PYCR1: variants seen among roughly 807,000 people sequenced by gnomAD.
PYCR1 encodes the protein pyrroline-5-carboxylate reductase 1.
In PYCR1, 19 loss-of-function variants were observed where a neutral mutation model predicts 22.9. That is an observed-to-expected ratio of 0.83 (90% CI 0.58 to 1.22). PYCR1 has a LOEUF of 1.22. Among genes scored for constraint, PYCR1 ranks in the 50% most tolerant of loss-of-function variants. The pLI is 0.00. For synonymous variants in PYCR1, 175 were observed against 180.5 expected (o/e 0.97, Z 0.24); for missense variants, 429 against 431.3 (o/e 0.99, Z 0.05).
intron 1 of PYCR1, 94 bp downstream of exon 1, chr17:81,936,654 G>T: frequency 1.4e-6 from 2 of 1,398,174 alleles, no homozygotes; most frequent in South Asian, 1.2e-5. Context: ...CAGGCCTTGT[G>T]ACCCAGCACC....
Position 81,937,104 on chromosome 17 carries a change from A to G in PYCR1, c.-290T>C. 7.0e-7 allele frequency: 1 copy of G among 1,431,142 alleles called. No individual in the cohort carries two copies. The highest frequency in any genetic ancestry group is 9.1e-7 in the Non-Finnish European group (1 of 1,095,862). The allele number at this position is 1,431,142 out of a possible 1,614,324, so 88.7% of individuals were successfully genotyped here. A position where few individuals can be genotyped will look rare whatever the true frequency, so the allele number is the denominator to read the frequency against. ...CAGAAGAAATGACTGGGAAGGGGGA[A>G]AAGTACGGGGAGAGGGAGGGCCCGG... On this transcript the variant is annotated 5_prime_UTR_variant, in exon 1 of 7. Coordinates refer to ENST00000329875, the MANE Select transcript of PYCR1 (RefSeq NM_006907.4).
chr17:81,932,878 T>C lies in PYCR1; in HGVS notation c.*336A>G. ...CACAGAGGGGGTCCTTGACCTTTGCTCTCAGGAAGGAGCCCGTGCCAGCTG... is the reference window on the plus strand; with the variant it reads ...CACAGAGGGGGTCCTTGACCTTTGCCCTCAGGAAGGAGCCCGTGCCAGCTG... On this transcript the variant is annotated 3_prime_UTR_variant, in exon 7 of 7. Transcript: ENST00000329875. The C allele has an allele frequency of 6.2e-7, 1 of 1,608,054 alleles. No homozygotes were observed. The highest frequency in any genetic ancestry group is 1.1e-5 in the South Asian group (1 of 90,024).
rs1489421361 is a variant in PYCR1 at position 81,935,293 on chromosome 17, T to A, written c.318+44A>T. On this transcript the variant is annotated intron_variant, in intron 3 of 6. Coordinates refer to ENST00000329875, the MANE Select transcript of PYCR1 (RefSeq NM_006907.4). ...AAACTGAAGTACTGAGGGCCCGGGC[T>A]CTAGACAGCCCCTCTCCACACCCCA... The A allele has an allele frequency of 3.7e-6, 6 of 1,608,256 alleles. No individual in the cohort carries two copies. In the Admixed American group the frequency reaches 5.0e-5, roughly 13 times the overall value.
In PYCR1 at chr17:81,935,140, G is replaced by C; in HGVS notation, c.326C>G (p.Ser109Ter). 1.2e-6 allele frequency: 2 copies of C among 1,606,898 alleles called. No individual in the cohort carries two copies. Among genetic ancestry groups the C allele is most frequent in the Non-Finnish European group, 1.7e-6 (2 of 1,179,534 alleles). Residue 109 changes from serine (S) to a stop codon, truncating the protein, a stop_gained, in exon 4 of 7, where the codon TCA (serine) becomes TGA (stop). Transcript: ENST00000329875. LOFTEE classifies it high-confidence loss of function. ...GACCCTGGGGGCTGGCCGAAACGCT[G>C]ACAGCTTCTGGAAGAGAAACCAGCG... ...VTISSIEKKL[S>*]AFRPAPRVIR...
rs773780326 is a variant in PYCR1 at position 81,933,349 on chromosome 17, C to T, written c.825G>A (p.Glu275=). Residue 275 remains glutamate, a synonymous_variant, in exon 7 of 7, where the codon GAG becomes GAA. Coordinates refer to ENST00000329875, the MANE Select transcript of PYCR1 (RefSeq NM_006907.4). ...TRELQSMADQ[E]QVSPAAIKKT... is the part of the protein sequence containing the mutation. Reference sequence around the variant, plus strand: ...TCTTGATGGCGGCTGGTGACACCTGCTCCTGGTCAGCCATGGACTGCAGCT... The same window carrying T: ...TCTTGATGGCGGCTGGTGACACCTGTTCCTGGTCAGCCATGGACTGCAGCT... 12 of 1,613,716 alleles carry T rather than the reference C, an allele frequency of 7.4e-6. No individual in the cohort carries two copies. Among genetic ancestry groups the T allele is most frequent in the African/African-American group, 1.3e-5 (1 of 74,896 alleles).
At chr17:81,933,804 G>A (rs1490880231) in intron 6 of PYCR1, among the ~76,000 whole-genome samples, 3 of 152,224 alleles carry the variant, frequency 2.0e-5, no homozygotes, top group Admixed American at 6.5e-5. Flanking sequence ...TGGGGACAGC[G>A]GCTCCCAGCC....
rs1397825591 is a variant in PYCR1 at position 81,937,089 on chromosome 17, G to GT, written c.-276_-275insA. 2 of 1,429,580 alleles carry GT rather than the reference G, an allele frequency of 1.4e-6. No individual in the cohort carries two copies. Among genetic ancestry groups the GT allele is most frequent in the Admixed American group, 2.9e-5 (1 of 35,056 alleles). 88.6% of individuals were successfully genotyped at this position (1,429,580 alleles called of 1,614,324 possible). On this transcript the variant is annotated 5_prime_UTR_variant, in exon 1 of 7. Transcript: ENST00000329875. The stretch of plus-strand genomic sequence containing the variant: ...GGGGTGGAGGTTCCGCAGAAGAAAT[G>GT]ACTGGGAAGGGGGAAAAGTACGGGG...
In PYCR1 at chr17:81,936,155, C is replaced by T. The variant is rs1307738048; in HGVS notation, c.106G>A (p.Asp36Asn). Residue 36 changes from aspartate to asparagine, a missense_variant, in exon 2 of 7, where the codon GAC (aspartate) becomes AAC (asparagine). Coordinates refer to ENST00000329875, the MANE Select transcript of PYCR1 (RefSeq NM_006907.4). ...GCAGAAACTGTGGCCAGGTCCATGT[C>T]TGGGGAGCTAGCCATTATCTTGTGG... ...AAHKIMASSP[D>N]MDLATVSALR... 7 of 1,613,840 alleles carry T rather than the reference C, an allele frequency of 4.3e-6. No homozygotes were observed. The highest frequency in any genetic ancestry group is 2.2e-5 in the East Asian group (1 of 44,896).
chr17:81,936,124 C>T lies in PYCR1; in HGVS notation c.137G>A (p.Arg46Lys). Residue 46 changes from arginine to lysine, a missense_variant and splice_region_variant, in exon 2 of 7, where the codon AGG becomes AAG. Transcript: ENST00000329875. Reference protein sequence around the residue: ...DMDLATVSALRKMGVKLTPHN... With the variant: ...DMDLATVSALKKMGVKLTPHN... The stretch of plus-strand genomic sequence containing the variant: ...TTTCTCCCTTTCATCTGCACCTACC[C>T]TGAGAGCAGAAACTGTGGCCAGGTC... 6.2e-7 allele frequency: 1 copy of T among 1,613,852 alleles called. No individual in the cohort carries two copies. The highest frequency in any genetic ancestry group is 8.5e-7 in the Non-Finnish European group (1 of 1,179,848).
Position 81,935,366 on chromosome 17 carries a change from C to T in PYCR1, c.289G>A (p.Ala97Thr). Reference sequence around the variant, plus strand: ...TCAATGGAGCTGATGGTGACGCCGGCCGCGCAGGACACCACAATGTGTCTG... The same window carrying T: ...TCAATGGAGCTGATGGTGACGCCGGTCGCGCAGGACACCACAATGTGTCTG... ...EDRHIVVSCA[A>T]GVTISSIEKK... Residue 97 changes from alanine (A) to threonine (T), a missense_variant, in exon 3 of 7, where the codon GCC (alanine) becomes ACC (threonine). Coordinates refer to ENST00000329875, the MANE Select transcript of PYCR1 (RefSeq NM_006907.4). The T allele has an allele frequency of 6.2e-7, 1 of 1,612,720 alleles. No individual in the cohort carries two copies. Among genetic ancestry groups the T allele is most frequent in the Middle Eastern group, 1.8e-4 (1 of 5,500 alleles).
chr17:81,936,707 CT>C, intron 1 of PYCR1, 40 bp downstream of exon 1: 2 of 1,565,624 alleles, frequency 1.3e-6, no homozygotes, highest in South Asian at 2.3e-5. Context: ...AGAGGCCAGT[CT>C]CTCCCACTGG....
chr17:81,932,877 C>A lies in PYCR1; in HGVS notation c.*337G>T, dbSNP rs1263364027. The A allele has an allele frequency of 6.2e-7, 1 of 1,607,576 alleles. No homozygotes were observed. The highest frequency in any genetic ancestry group is 8.5e-7 in the Non-Finnish European group (1 of 1,177,624). On this transcript the variant is annotated 3_prime_UTR_variant, in exon 7 of 7. Transcript: ENST00000329875. ...TCACAGAGGGGGTCCTTGACCTTTG[C>A]TCTCAGGAAGGAGCCCGTGCCAGCT...
At chr17:81,936,028 C>A in intron 2 of PYCR1, 95 bp downstream of exon 2, 1 of 1,413,630 alleles carries the variant, frequency 7.1e-7, no homozygotes, top group Non-Finnish European at 1.0e-6. Context: ...AGGGCCCCTG[C>A]CCTCACTGGG....
rs1457711521 is a variant in PYCR1, at chr17:81,936,903, G to A, written c.-89C>T. On this transcript the variant is annotated 5_prime_UTR_variant, in exon 1 of 7. Coordinates refer to ENST00000329875, the MANE Select transcript of PYCR1 (RefSeq NM_006907.4). ...GCAGGATCGAGAGCAAGTTAGGGGG[G>A]CAGTGCCAGCCTGGCCGCTCCTCCC... is the stretch of plus-strand genomic sequence containing the variant. 4.5e-6 allele frequency: 7 copies of A among 1,550,294 alleles called. No homozygotes were observed. Among genetic ancestry groups the A allele is most frequent in the East Asian group, 2.4e-5 (1 of 41,462 alleles).
intron 6 of PYCR1, 88 bp from the exon 7 acceptor site, chr17:81,933,464 C>A (rs1225268979): frequency 2.6e-6 from 4 of 1,510,504 alleles, no homozygotes; most frequent in Non-Finnish European, 2.7e-6. Flanking sequence ...TGCCAGTCAG[C>A]CCTGGGCGAT....
Position 81,932,579 on chromosome 17 carries a change from G to A in PYCR1, c.*635C>T. Reference sequence around the variant, plus strand: ...GGGCTGGAAACCAACTTATAAAACTGAAAGGGCCAGGACAGAACTGATAGC... The same window carrying A: ...GGGCTGGAAACCAACTTATAAAACTAAAAGGGCCAGGACAGAACTGATAGC... On this transcript the variant is annotated 3_prime_UTR_variant, in exon 7 of 7. Transcript: ENST00000329875. The A allele has an allele frequency of 4.6e-6, 2 of 436,670 alleles. No individual in the cohort carries two copies. Among genetic ancestry groups the A allele is most frequent in the South Asian group, 4.3e-5 (2 of 45,982 alleles). 27.0% of individuals were successfully genotyped at this position (436,670 alleles called of 1,614,324 possible).
Position 81,933,309 on chromosome 17 carries a change from T to C in PYCR1, c.865A>G (p.Lys289Glu). The C allele has an allele frequency of 6.2e-7, 1 of 1,614,024 alleles. No homozygotes were observed. The highest frequency in any genetic ancestry group is 8.5e-7 in the Non-Finnish European group (1 of 1,179,986). The change falls in exon 7 of 7, where the codon AAG becomes GAG. Residue 289 changes from lysine (K) to glutamate (E), a missense_variant. Transcript: ENST00000329875. ...PAAIKKTILD[K>E]VKLDSPAGTA... ...CCTGCAGGGGAGTCCAGCTTCACCT[T>C]GTCCAGGATGGTCTTCTTGATGGCG...
chr17:81,935,254 C>G (rs2041149530), intron 3 of PYCR1, 83 bp downstream of exon 3: 7 of 1,587,320 alleles, frequency 4.4e-6, no homozygotes, highest in Non-Finnish European at 6.0e-6. Flanking sequence ...ACGCTGCAAC[C>G]CTTTTGCAGA....
chr17:81,936,776 A>C lies in PYCR1; in HGVS notation c.39T>G (p.Phe13Leu), dbSNP rs546125979. 1.4e-5 allele frequency: 22 copies of C among 1,610,456 alleles called. No individual in the cohort carries two copies. The Admixed American group carries it at 2.0e-4, about 15-fold the overall frequency. Reference protein sequence around the residue: ...VGFIGAGQLAFALAKGFTAAG... With the variant: ...VGFIGAGQLALALAKGFTAAG... ...CTGCTGTGAAGCCCTTGGCCAGGGCAAAAGCCAGCTGGCCAGCGCCGATGA... is the reference window on the plus strand; with the variant it reads ...CTGCTGTGAAGCCCTTGGCCAGGGCCAAAGCCAGCTGGCCAGCGCCGATGA... The change falls in exon 1 of 7, where the codon TTT (phenylalanine) becomes TTG (leucine). Residue 13 changes from phenylalanine to leucine, a missense_variant. By Grantham distance (22) the Phe-to-Leu change is conservative (BLOSUM62 0). Transcript: ENST00000329875.
Sources: gnomAD v4.1 joint callset for allele counts (sites outside exome capture counted in the v4.1 genomes callset) on GRCh38, gnomAD v4.1.1 for gene constraint, MANE v1.5 for transcripts, NCBI Gene and HGNC (gene_info 2026-07-23, HGNC 2026-07-21) for gene names.